The following KIF22 variants were observed in gnomAD, a reference collection of about 807,000 sequenced individuals.
The protein encoded by KIF22 is kinesin family member 22, also known as kinesin-like protein KIF22.
Under a neutral mutation model 73.0 loss-of-function variants are expected in KIF22, and 62 were observed. The observed-to-expected ratio is 0.85, with a 90% CI of 0.69 to 1.05. The LOEUF is 1.05. Ranked by LOEUF, KIF22 falls within the 50% of genes least tolerant of loss-of-function variation. The pLI, the probability that KIF22 is intolerant of heterozygous loss-of-function variation, is 0.00. For missense variants in KIF22, 854 were observed against 870.1 expected (o/e 0.98, Z 0.23); for synonymous variants, 411 against 340.1 (o/e 1.21, Z -2.29).
chr16:29,803,619 C>G lies in KIF22; in HGVS notation c.1609+11C>G, dbSNP rs1169034339. 1.9e-6 allele frequency: 3 copies of G among 1,598,478 alleles called. No homozygotes were observed. The East Asian group carries it at 6.7e-5, about 36-fold the overall frequency. The stretch of plus-strand genomic sequence containing the variant: ...TGCCCCTACAGCTAAGTAAGTTTGA[C>G]TCCAGGGGCTGGGGGGCCAAGGCAG... On this transcript the variant is annotated intron_variant, in intron 10 of 13. Transcript: ENST00000160827.
intron 1 of KIF22, chr16:29,792,357 TACCCTGGACTGTGA>T (rs1487262299): frequency 2.1e-6 from 2 of 945,036 alleles, no homozygotes; most frequent in African/African-American, 1.8e-5. Context: ...TCTTCCCTCC[TACCCTGGACTGTGA>T]GCCCTGGGGC....
intron 11 of KIF22, chr16:29,804,365 G>C: frequency 1.0e-5 from 6 of 601,060 alleles, no homozygotes; most frequent in Non-Finnish European, 1.8e-5. Flanking sequence ...AAGCAGTCAA[G>C]CAAGAAACCA....
chr16:29,794,561 C>G (rs1211517173), intron 1 of KIF22, among the ~76,000 whole-genome samples: 5 of 152,100 alleles, frequency 3.3e-5, no homozygotes, highest in Non-Finnish European at 7.4e-5. Flanking sequence ...TGTGCTGCCA[C>G]TTTATCTGGC....
At chr16:29,794,038 G>C (rs953730626) in intron 1 of KIF22, among the ~76,000 whole-genome samples, 3 of 152,174 alleles carry the variant, frequency 2.0e-5, no homozygotes, top group Admixed American at 1.3e-4. Flanking sequence ...AAGAGAAAGG[G>C]TGTAATAATA....
intron 8 of KIF22, among the ~76,000 whole-genome samples, chr16:29,800,954 A>T (rs755825123): frequency 4.6e-5 from 7 of 152,132 alleles, no homozygotes; most frequent in Non-Finnish European, 1.0e-4. Flanking sequence ...AGCTGTTTCA[A>T]GGATGAGCAT....
chr16:29,804,510 G>C (rs1027777713), intron 11 of KIF22: 4 of 656,082 alleles, frequency 6.1e-6, no homozygotes, highest in African/African-American at 5.3e-5. Context: ...CCCTTTTAGA[G>C]ATGAGGGACC....
At chr16:29,791,051 G>T in intron 1 of KIF22, 1 of 1,411,584 alleles carries the variant, frequency 7.1e-7, no homozygotes. Flanking sequence ...CAGTAGACTC[G>T]GGTCTCCGGT....
In KIF22 at chr16:29,798,001, AT is replaced by A. The variant is rs1898996074; in HGVS notation, c.267-370del. 6.6e-6 allele frequency among the ~76,000 whole-genome samples: 1 copy of A among 152,200 alleles called. No individual in the cohort carries two copies. The highest frequency in any genetic ancestry group is 6.5e-5 in the Admixed American group (1 of 15,278). On this transcript the variant is annotated intron_variant, in intron 2 of 13. Coordinates refer to ENST00000160827, the MANE Select transcript of KIF22 (RefSeq NM_007317.3). The surrounding 1 kb of genome is among the most constrained non-coding windows in gnomAD (Gnocchi z 4.1). ...TTTTTTGCTATTCTTGATTCTCAGAATTTCTTTCTTTGGTCAAAATCTTCCT... is the reference window on the plus strand; with the variant it reads ...TTTTTTGCTATTCTTGATTCTCAGAATTCTTTCTTTGGTCAAAATCTTCCT...
At chr16:29,792,239 AG>A (rs1394571829) in intron 1 of KIF22, among the ~76,000 whole-genome samples, 1 of 152,228 alleles carries the variant, frequency 6.6e-6, no homozygotes, top group Non-Finnish European at 1.5e-5. Flanking sequence ...GAATTGTGAA[AG>A]AAGGGAAAAT....
In KIF22 at chr16:29,797,146, C is replaced by A; in HGVS notation, c.266+58C>A. ...CATCACCTCCCTCTCCTAGGCCTGC[C>A]CACGTTCCCCTGCCTCCCCAGGATC... On this transcript the variant is annotated intron_variant, in intron 2 of 13. Coordinates refer to ENST00000160827, the MANE Select transcript of KIF22 (RefSeq NM_007317.3). This position sits in a 1 kb window ranked among gnomAD's most constrained non-coding sequence, Gnocchi z 4.1. 1 of 1,296,558 alleles carries A rather than the reference C, an allele frequency of 7.7e-7. No homozygotes were observed. Among genetic ancestry groups the A allele is most frequent in the South Asian group, 1.4e-5 (1 of 70,010 alleles). The allele number at this position is 1,296,558 out of a possible 1,614,324, so 80.3% of individuals were successfully genotyped here.
chr16:29,791,603 G>C (rs965990446), intron 1 of KIF22: 4 of 152,228 alleles, frequency 2.6e-5, no homozygotes, highest in African/African-American at 9.7e-5. Context: ...AACACATGTA[G>C]AGCTCTTGCT....
chr16:29,805,324 A>G lies in KIF22; in HGVS notation c.*14A>G. 1.9e-6 allele frequency: 3 copies of G among 1,610,968 alleles called. No individual in the cohort carries two copies. The highest frequency in any genetic ancestry group is 2.5e-6 in the Non-Finnish European group (3 of 1,179,574). On this transcript the variant is annotated 3_prime_UTR_variant, in exon 14 of 14. Transcript: ENST00000160827. The stretch of plus-strand genomic sequence containing the variant: ...GGCGCCTCCTGACCGTCGTCTCCTC[A>G]CTCCGCCTTTTCAAATTTTTGTATA...
chr16:29,793,309 G>A (rs1472494542), intron 1 of KIF22, among the ~76,000 whole-genome samples: 3 of 152,148 alleles, frequency 2.0e-5, no homozygotes, highest in East Asian at 1.9e-4. Flanking sequence ...GCGTGGTGGC[G>A]TGCACCTGTA....
At chr16:29,790,874 T>C (rs1016647622) in intron 1 of KIF22, 45 bp downstream of exon 1, 1 of 1,568,346 alleles carries the variant, frequency 6.4e-7, no homozygotes, top group Non-Finnish European at 8.6e-7. Context: ...ACGTCTGGAG[T>C]TTAGTGGGAG....
chr16:29,800,168 C>A, intron 8 of KIF22, 120 bp downstream of exon 8: 1 of 1,249,592 alleles, frequency 8.0e-7, no homozygotes, highest in Non-Finnish European at 1.1e-6. Flanking sequence ...ATTAAATTCA[C>A]CCTAGGCCGG....
At chr16:29,792,448 A>C in intron 1 of KIF22, 1 of 979,252 alleles carries the variant, frequency 1.0e-6, no homozygotes, top group Non-Finnish European at 1.2e-6. Context: ...TTATTCACTA[A>C]ATCTTAATTT....
rs771128685 is a variant in KIF22, at chr16:29,799,093, G to A, written c.668G>A (p.Arg223Gln). 51 of 1,613,982 alleles carry A rather than the reference G, an allele frequency of 3.2e-5. No homozygotes were observed. The highest frequency in any genetic ancestry group is 4.5e-5 in the East Asian group (2 of 44,896). Reference protein sequence around the residue: ...KPISSFADFERHFLPASRNRT... With the variant: ...KPISSFADFEQHFLPASRNRT... ...ATCAGTAGCTTTGCTGATTTTGAGC[G>A]GCACTTCCTGCCAGCCAGTCGAAAT... The change falls in exon 5 of 14, where the codon CGG becomes CAG. Residue 223 changes from arginine (R) to glutamine (Q), a missense_variant. Physicochemically the swap from Arg to Gln is conservative, Grantham distance 43. Coordinates refer to ENST00000160827, the MANE Select transcript of KIF22 (RefSeq NM_007317.3).
chr16:29,799,576 G>A (rs1156484160), intron 6 of KIF22, 52 bp from the exon 7 acceptor site: 3 of 1,612,572 alleles, frequency 1.9e-6, no homozygotes, highest in Non-Finnish European at 2.5e-6. Flanking sequence ...TAGCAGTTGA[G>A]GCATAGGAAG....
chr16:29,798,413 C>T lies in KIF22; in HGVS notation c.306C>T (p.Asp102=). The change falls in exon 3 of 14, where the codon GAC becomes GAT. Residue 102 remains aspartate, a synonymous_variant. Coordinates refer to ENST00000160827, the MANE Select transcript of KIF22 (RefSeq NM_007317.3). The surrounding 1 kb of genome is among the most constrained non-coding windows in gnomAD (Gnocchi z 4.1). ...AFYGERSTQQ[D]IYAGSVQPIL... is the part of the protein sequence containing the mutation. ...ATGGGGAGAGGAGTACTCAGCAGGA[C>T]ATCTATGCAGGTTCAGTGCAGCCCA... The T allele has an allele frequency of 3.1e-6, 5 of 1,611,082 alleles. No homozygotes were observed. Among genetic ancestry groups the T allele is most frequent in the Non-Finnish European group, 4.2e-6 (5 of 1,178,712 alleles).
Sources: gnomAD v4.1 joint callset for allele counts (sites outside exome capture counted in the v4.1 genomes callset) on GRCh38, gnomAD v4.1.1 for gene constraint, Gnocchi (gnomAD v3.1) non-coding constraint, MANE v1.5 for transcripts, NCBI Gene and HGNC (gene_info 2026-07-23, HGNC 2026-07-21) for gene names.